Variants in NOX4 observed in about 807,000 individuals in gnomAD.
The protein encoded by NOX4 is NADPH oxidase 4.
NOX4 carries 69 observed loss-of-function variants against 87.6 expected under a neutral mutation model. The observed-to-expected ratio is 0.79, with a 90% CI of 0.65 to 0.96. NOX4 has a LOEUF of 0.96. Among genes scored for constraint, NOX4 ranks in the 40% least tolerant of loss-of-function variants. The pLI is 0.00. For synonymous variants in NOX4, 275 were observed against 238.2 expected (o/e 1.15, Z -1.42); for missense variants, 680 against 681.5 (o/e 1.00, Z 0.02).
intron 13 of NOX4, among the ~76,000 whole-genome samples, chr11:89,351,207 C>T (rs1946443299): frequency 6.6e-6 from 1 of 152,220 alleles, no homozygotes; most frequent in Non-Finnish European, 1.5e-5. Context: ...ACAACATTCT[C>T]TTCAGCCAAA....
chr11:89,575,964 A>G, the NOX4 span, among the ~76,000 whole-genome samples: 2 of 152,230 alleles, frequency 1.3e-5, no homozygotes, highest in Non-Finnish European at 2.9e-5. Flanking sequence ...CCTAGTTATA[A>G]CAGTCCATAA....
chr11:89,416,813 T>C (rs11018609), intron 8 of NOX4, among the ~76,000 whole-genome samples: 30,383 of 152,174 alleles, frequency 0.2, 4,128 homozygotes, highest in Non-Finnish European at 0.31. Context: ...TCAAGTAGAA[T>C]ATAAATCATG....
chr11:89,498,484 T>A (rs1228885589), upstream of NOX4, among the ~76,000 whole-genome samples: 5 of 152,232 alleles, frequency 3.3e-5, no homozygotes. Flanking sequence ...CCGAAGTATG[T>A]TGACTTGCGT....
the NOX4 span, among the ~76,000 whole-genome samples, chr11:89,526,626 G>A: frequency 6.6e-6 from 1 of 152,158 alleles, no homozygotes; most frequent in South Asian, 2.1e-4. Context: ...TAGTGGGTGA[G>A]TTCTCATGAG....
At chr11:89,418,401 A>G (rs1207902982) in intron 8 of NOX4, among the ~76,000 whole-genome samples, 3 of 148,342 alleles carry the variant, frequency 2.0e-5, no homozygotes, top group Non-Finnish European at 4.5e-5. Context: ...CACTGCTCCT[A>G]TTCTCTCAGC....
chr11:89,394,148 C>A (rs549807416), intron 11 of NOX4, among the ~76,000 whole-genome samples: 1 of 152,090 alleles, frequency 6.6e-6, no homozygotes, highest in African/African-American at 2.4e-5. Flanking sequence ...AGGGCCTAGG[C>A]CTGCTGAAAG....
chr11:89,399,490 G>A (rs985919118), intron 11 of NOX4, among the ~76,000 whole-genome samples: 12 of 126,020 alleles, frequency 9.5e-5, no homozygotes, highest in African/African-American at 3.1e-4. Context: ...TTGAGACAAG[G>A]TCTCACTCTC....
chr11:89,470,683 T>C lies in NOX4; in HGVS notation c.154-18788A>G, dbSNP rs1049941886. ...TTAAAGAAAAGTTTCAAAGCCACTA[T>C]AGCTTTTCTATGAGACTGCGTAGAT... On this transcript the variant is annotated intron_variant, in intron 2 of 17. Coordinates refer to ENST00000263317, the MANE Select transcript of NOX4 (RefSeq NM_016931.5). 6.6e-5 allele frequency among the ~76,000 whole-genome samples: 10 copies of C among 152,188 alleles called. 1 individual carries two copies. The South Asian group carries it at 2.1e-3, about 31-fold the overall frequency.
intron 17 of NOX4, among the ~76,000 whole-genome samples, chr11:89,327,150 T>C (rs1376066435): frequency 6.6e-6 from 1 of 152,216 alleles, no homozygotes; most frequent in Non-Finnish European, 1.5e-5. Flanking sequence ...TTTATCAGTT[T>C]GCCTTAGTCT....
At chr11:89,513,053 G>C in the NOX4 span, among the ~76,000 whole-genome samples, 1 of 152,070 alleles carries the variant, frequency 6.6e-6, no homozygotes, top group African/African-American at 2.4e-5. Flanking sequence ...GGGTGCAGTG[G>C]CTCACTCCTG....
intron 11 of NOX4, 41 bp downstream of exon 11, chr11:89,399,976 G>C (rs1941728283): frequency 6.8e-7 from 1 of 1,465,844 alleles, no homozygotes; most frequent in Admixed American, 1.8e-5. Flanking sequence ...AATATGCATA[G>C]CACCCTACAA....
rs535427074 is a variant in NOX4 at position 89,448,166 on chromosome 11, T to G, written c.349+1274A>C. 2.6e-5 allele frequency among the ~76,000 whole-genome samples: 4 copies of G among 152,276 alleles called. No homozygotes were observed. The South Asian group carries it at 8.3e-4, about 32-fold the overall frequency. Reference sequence around the variant, plus strand: ...AAAAATTTCTATTCATTTTCTCATTTTAGTCTTAAATCTATGAGGTAAGTC... The same window carrying G: ...AAAAATTTCTATTCATTTTCTCATTGTAGTCTTAAATCTATGAGGTAAGTC... On this transcript the variant is annotated intron_variant, in intron 4 of 17. Coordinates refer to ENST00000263317, the MANE Select transcript of NOX4 (RefSeq NM_016931.5).
chr11:89,522,930 A>G, the NOX4 span, among the ~76,000 whole-genome samples: 1 of 152,216 alleles, frequency 6.6e-6, no homozygotes, highest in Non-Finnish European at 1.5e-5. Context: ...GTGTTTCACC[A>G]TCACTTACAA....
chr11:89,432,767 T>C lies in NOX4; in HGVS notation c.548+17A>G, dbSNP rs369124055. On this transcript the variant is annotated intron_variant, in intron 7 of 17. Coordinates refer to ENST00000263317, the MANE Select transcript of NOX4 (RefSeq NM_016931.5). ...ACCTGACAGATACACATCAAAATAA[T>C]TGATTCTGACACTTACCTTATTGCA... The C allele has an allele frequency of 4.5e-6, 7 of 1,569,898 alleles. No individual in the cohort carries two copies. The East Asian group carries it at 6.8e-5, about 15-fold the overall frequency.
chr11:89,426,041 G>C (rs1943381342), intron 7 of NOX4, among the ~76,000 whole-genome samples: 1 of 152,078 alleles, frequency 6.6e-6, no homozygotes, highest in South Asian at 2.1e-4. Flanking sequence ...CCATTAGAAA[G>C]GACATGTGAA....
chr11:89,517,891 GAATA>G, the NOX4 span, among the ~76,000 whole-genome samples: 1 of 152,000 alleles, frequency 6.6e-6, no homozygotes, highest in Admixed American at 6.6e-5. Flanking sequence ...AATGTTTACT[GAATA>G]AATAAAGTGA....
chr11:89,495,165 C>T (rs988721720), upstream of NOX4, among the ~76,000 whole-genome samples: 24 of 152,176 alleles, frequency 1.6e-4, no homozygotes, highest in East Asian at 7.7e-4. Context: ...TTTGTAGAGA[C>T]GAGATTTTGC....
intron 2 of NOX4, among the ~76,000 whole-genome samples, chr11:89,470,076 AAATAATAATAAT>A (rs3066903): frequency 1.3e-5 from 2 of 149,560 alleles, no homozygotes; most frequent in Non-Finnish European, 3.0e-5. Flanking sequence ...TGCAAAATGA[AAATAATAATAAT>A]AATAATAATA....
intron 2 of NOX4, among the ~76,000 whole-genome samples, chr11:89,466,224 AT>A (rs1945687647): frequency 6.6e-6 from 1 of 152,214 alleles, no homozygotes; most frequent in Non-Finnish European, 1.5e-5. Context: ...ATAGAAAAAT[AT>A]TTTAAATGCC....
Sources: gnomAD v4.1 joint callset for allele counts (sites outside exome capture counted in the v4.1 genomes callset) on GRCh38, gnomAD v4.1.1 for gene constraint, MANE v1.5 for transcripts, NCBI Gene and HGNC (gene_info 2026-07-23, HGNC 2026-07-21) for gene names.